Variants in GEMIN5 observed in about 807,000 individuals in gnomAD.
GEMIN5 encodes the protein gem-associated protein 5.
Under a neutral mutation model 176.9 loss-of-function variants are expected in GEMIN5, and 124 were observed. The observed-to-expected ratio is 0.70, with a 90% confidence interval of 0.61 to 0.81. The LOEUF is 0.81. Among genes scored for constraint, GEMIN5 ranks in the 40% least tolerant of loss-of-function variants. The pLI, the probability that GEMIN5 is intolerant of heterozygous loss-of-function variation, is 0.00. For synonymous variants in GEMIN5, 673 were observed against 665.2 expected (o/e 1.01, Z -0.18); for missense variants, 1,843 against 1,814.6 (o/e 1.02, Z -0.28).
At chr5:154,937,893 G>A (rs1184396844) in intron 1 of GEMIN5, 75 bp downstream of exon 1, 43 of 1,303,718 alleles carry the variant, frequency 3.3e-5, no homozygotes, top group Non-Finnish European at 4.2e-5. Flanking sequence ...AGAAAACGGG[G>A]TGGAGTCGTC....
chr5:154,924,967 C>T (rs527670151), intron 8 of GEMIN5, among the ~76,000 whole-genome samples: 6 of 151,942 alleles, frequency 3.9e-5, no homozygotes, highest in Non-Finnish European at 5.9e-5. Context: ...CCAGCCTGGG[C>T]GACAGAGTGA....
intron 13 of GEMIN5, among the ~76,000 whole-genome samples, chr5:154,916,529 C>T (rs539111809): frequency 1.3e-5 from 2 of 151,932 alleles, no homozygotes; most frequent in Admixed American, 6.6e-5. Flanking sequence ...GCTCTGTAAC[C>T]CAGGCTAGGG....
intron 3 of GEMIN5, among the ~76,000 whole-genome samples, chr5:154,933,652 C>T (rs766761720): frequency 1.3e-5 from 2 of 151,998 alleles, no homozygotes; most frequent in Non-Finnish European, 2.9e-5. Context: ...TTACAGCATT[C>T]GACAGGGAAG....
rs1473215208 is a variant in GEMIN5 at position 154,917,122 on chromosome 5, A to G, written c.1731T>C (p.His577=). The G allele has an allele frequency of 1.9e-6, 3 of 1,605,528 alleles. No homozygotes were observed. The highest frequency in any genetic ancestry group is 1.3e-5 in the African/African-American group (1 of 74,910). ...AGCTAATGGTATTCACAAGCTTGTGATGCTGTTGGATAGTACAGATCAGTT... is the reference window on the plus strand; with the variant it reads ...AGCTAATGGTATTCACAAGCTTGTGGTGCTGTTGGATAGTACAGATCAGTT... ...NLKLICTIQQ[H]HKLVNTISWH... Residue 577 remains histidine (H), a synonymous_variant, in exon 13 of 28, where the codon CAT becomes CAC. Transcript: ENST00000285873.
At chr5:154,929,312 C>T (rs1344344391) in intron 5 of GEMIN5, among the ~76,000 whole-genome samples, 2 of 152,160 alleles carry the variant, frequency 1.3e-5, no homozygotes, top group East Asian at 3.8e-4. Context: ...GTTGTGTACC[C>T]AAAAGTATTG....
chr5:154,934,668 A>G (rs1263316536), intron 3 of GEMIN5, among the ~76,000 whole-genome samples: 1 of 152,110 alleles, frequency 6.6e-6, no homozygotes, highest in African/African-American at 2.4e-5. Flanking sequence ...CTCTCCCTCA[A>G]GAGTACTTAC....
At chr5:154,937,826 G>A in intron 1 of GEMIN5, 142 bp downstream of exon 1, 1 of 688,414 alleles carries the variant, frequency 1.5e-6, no homozygotes, top group Non-Finnish European at 2.3e-6. Flanking sequence ...AAGCAACTCA[G>A]CTTAGTGACT....
intron 6 of GEMIN5, among the ~76,000 whole-genome samples, chr5:154,927,823 C>T (rs1764079367): frequency 6.6e-6 from 1 of 152,008 alleles, no homozygotes; most frequent in Non-Finnish European, 1.5e-5. Context: ...GAGACCGTCC[C>T]TACAAACAAT....
chr5:154,925,809 G>C, intron 8 of GEMIN5, 53 bp downstream of exon 8: 2 of 1,000,328 alleles, frequency 2.0e-6, no homozygotes, highest in East Asian at 2.4e-5. Flanking sequence ...GCATAAAAGA[G>C]AATTATTTGG....
intron 23 of GEMIN5, among the ~76,000 whole-genome samples, chr5:154,897,289 A>G (rs1363448675): frequency 6.6e-6 from 1 of 152,218 alleles, no homozygotes; most frequent in Admixed American, 6.5e-5. Context: ...CTGTTAGAGA[A>G]TGAAGAACTT....
Position 154,917,948 on chromosome 5 carries a change from A to G in GEMIN5, c.1656T>C (p.Ala552=), listed in dbSNP as rs1763845956. The G allele has an allele frequency of 5.0e-6, 8 of 1,610,526 alleles. No individual in the cohort carries two copies. Among genetic ancestry groups the G allele is most frequent in the South Asian group, 1.1e-5 (1 of 91,020 alleles). The change falls in exon 12 of 28, where the codon GCT becomes GCC. Residue 552 remains alanine, a synonymous_variant. Coordinates refer to ENST00000285873, the MANE Select transcript of GEMIN5 (RefSeq NM_015465.5). ...ISWKADGKIM[A]LGNEDGSIEI... ...ATACATACCCATCTTCATTGCCAAG[A>G]GCCATGATTTTGCCATCTGCTTTCC...
At chr5:154,888,398 G>A (rs1459886036) in intron 27 of GEMIN5, 21 bp from the exon 28 acceptor site, 2 of 1,604,036 alleles carry the variant, frequency 1.2e-6, no homozygotes, top group South Asian at 2.2e-5. Context: ...ATGACATGAG[G>A]ATGAATAAGG....
chr5:154,935,883 C>T lies in GEMIN5; in HGVS notation c.467G>A (p.Cys156Tyr), dbSNP rs771132084. ...HLFIEPRTIF[C>Y]LTCSPHHEDL... ...TTCATGATGAGGTGAACAAGTAAGACAGAAAATTGTCCTGGGTTCTATAAA... is the reference window on the plus strand; with the variant it reads ...TTCATGATGAGGTGAACAAGTAAGATAGAAAATTGTCCTGGGTTCTATAAA... The change falls in exon 3 of 28, where the codon TGT (cysteine) becomes TAT (tyrosine). Residue 156 changes from cysteine to tyrosine, a missense_variant. Transcript: ENST00000285873. 2.5e-6 allele frequency: 4 copies of T among 1,613,696 alleles called. No homozygotes were observed. The Admixed American group carries it at 5.0e-5, about 20-fold the overall frequency.
At chr5:154,912,830 G>T in intron 14 of GEMIN5, 69 bp downstream of exon 14, 1 of 1,360,690 alleles carries the variant, frequency 7.3e-7, no homozygotes, top group Non-Finnish European at 1.0e-6. Flanking sequence ...TTCACAACTG[G>T]GGGAAAAGAA....
intron 7 of GEMIN5, 47 bp downstream of exon 7, chr5:154,927,338 T>A: frequency 7.5e-7 from 1 of 1,339,556 alleles, no homozygotes; most frequent in Non-Finnish European, 1.1e-6. Context: ...CCCACCCAAG[T>A]TGTAAACTGC....
Position 154,929,442 on chromosome 5 carries a change from C to T in GEMIN5, c.782-783G>A, listed in dbSNP as rs75088494. On this transcript the variant is annotated intron_variant, in intron 5 of 27. Transcript: ENST00000285873. ...GCTGTGGGTGGGGAGTACCTCCACCCGACATGCTTCTAATCACCGTTTTTT... is the reference window on the plus strand; with the variant it reads ...GCTGTGGGTGGGGAGTACCTCCACCTGACATGCTTCTAATCACCGTTTTTT... 1.0e-3 allele frequency among the ~76,000 whole-genome samples: 152 copies of T among 152,218 alleles called. 2 individuals are homozygous for T. The East Asian group carries it at 0.024, about 24-fold the overall frequency.
intron 15 of GEMIN5, among the ~76,000 whole-genome samples, chr5:154,910,303 T>C (rs144771715): frequency 0.01 from 1,566 of 152,158 alleles, 21 homozygotes; most frequent in African/African-American, 0.034. Flanking sequence ...ATATATTCTT[T>C]CATTTAAAAT....
rs1561733283 is a variant in GEMIN5 at position 154,937,090 on chromosome 5, C to T, written c.262G>A (p.Asp88Asn). 2.5e-6 allele frequency: 4 copies of T among 1,613,992 alleles called. No individual in the cohort carries two copies. The highest frequency in any genetic ancestry group is 3.4e-6 in the Non-Finnish European group (4 of 1,179,852). The part of the protein sequence containing the change: ...QYNLCATSSD[D>N]GTVKIWDVET... ...ACATCCCATATTTTCACAGTCCCATCGTCGGAGCTGGTGGCACAGAGGTTG... is the reference window on the plus strand; with the variant it reads ...ACATCCCATATTTTCACAGTCCCATTGTCGGAGCTGGTGGCACAGAGGTTG... Residue 88 changes from aspartate to asparagine, a missense_variant, in exon 2 of 28, where the codon GAT becomes AAT. By Grantham distance (23) the Asp-to-Asn change is conservative. Coordinates refer to ENST00000285873, the MANE Select transcript of GEMIN5 (RefSeq NM_015465.5).
intron 21 of GEMIN5, 90 bp from the exon 22 acceptor site, chr5:154,899,400 C>T: frequency 9.0e-7 from 1 of 1,105,508 alleles, no homozygotes; most frequent in Non-Finnish European, 1.2e-6. Flanking sequence ...CAAACTGTCC[C>T]TTTTGTGTTG....
Sources: allele counts gnomAD v4.1 joint callset (sites outside exome capture counted in the v4.1 genomes callset), GRCh38; gene constraint gnomAD v4.1.1; transcripts MANE v1.5; gene names NCBI Gene and HGNC (gene_info 2026-07-23, HGNC 2026-07-21).